The following SMYD3 variants were observed in gnomAD, a reference collection of about 807,000 sequenced individuals.
SMYD3 encodes the protein histone-lysine N-methyltransferase SMYD3.
A neutral mutation model predicts 57.7 loss-of-function variants in SMYD3; 36 were observed. That is an observed-to-expected ratio of 0.62 (90% CI 0.48 to 0.82). SMYD3 has a LOEUF of 0.82. Among genes scored for constraint, SMYD3 ranks in the 40% least tolerant of loss-of-function variants. The pLI is 0.00. For missense variants in SMYD3, 515 were observed against 538.8 expected (o/e 0.96, Z 0.44); for synonymous variants, 211 against 195.0 (o/e 1.08, Z -0.68).
At chr1:245,809,364 TTGTC>T in intron 10 of SMYD3, among the ~76,000 whole-genome samples, 1 of 152,272 alleles carries the variant, frequency 6.6e-6, no homozygotes, top group East Asian at 1.9e-4. Flanking sequence ...TTTCGGGGAT[TTGTC>T]TGTGTCTCCC....
chr1:246,001,444 G>A (rs2059042192), intron 5 of SMYD3, among the ~76,000 whole-genome samples: 1 of 152,106 alleles, frequency 6.6e-6, no homozygotes, highest in African/African-American at 2.4e-5. Context: ...AGGTACTATG[G>A]AAGAGACAGT....
At chr1:246,493,210 G>A (rs867310935) in intron 1 of SMYD3, among the ~76,000 whole-genome samples, 2 of 144,866 alleles carry the variant, frequency 1.4e-5, no homozygotes. Context: ...CCTAGCTACT[G>A]GGGGGGAGGA....
intron 5 of SMYD3, among the ~76,000 whole-genome samples, chr1:245,991,474 C>T (rs548597619): frequency 2.6e-5 from 4 of 152,320 alleles, no homozygotes; most frequent in African/African-American, 9.6e-5. Flanking sequence ...GTCTTAGCTG[C>T]CATGGTTCCG....
chr1:246,110,741 G>A lies in SMYD3; in HGVS notation c.532-180804C>T, dbSNP rs75219768. On this transcript the variant is annotated intron_variant, in intron 5 of 11. Coordinates refer to ENST00000490107, the MANE Select transcript of SMYD3 (RefSeq NM_001167740.2). Reference sequence around the variant, plus strand: ...CCTCCCATGTTATGGCTACATAGCTGTTTATATTACACATGGAGTTGCGCG... The same window carrying A: ...CCTCCCATGTTATGGCTACATAGCTATTTATATTACACATGGAGTTGCGCG... 3.3e-3 allele frequency among the ~76,000 whole-genome samples: 508 copies of A among 152,342 alleles called. 2 individuals are homozygous for A. The highest frequency in any genetic ancestry group is 6.8e-3 in the Middle Eastern group (2 of 294).
intron 7 of SMYD3, among the ~76,000 whole-genome samples, chr1:245,920,781 A>G (rs1028516942): frequency 1.5e-4 from 23 of 152,236 alleles, no homozygotes; most frequent in African/African-American, 4.3e-4. Flanking sequence ...TGTACCATAT[A>G]TAAAAATTAA....
intron 1 of SMYD3, chr1:246,483,358 AC>A (rs2068138252): frequency 6.6e-6 from 1 of 152,154 alleles, no homozygotes; most frequent in African/African-American, 2.4e-5. Context: ...CCATTAAGAC[AC>A]CCAGAGTATC....
At chr1:245,884,792 C>CCAATCAGCACTCTGGAAAAT (rs59971082) in intron 8 of SMYD3, among the ~76,000 whole-genome samples, 4 of 147,276 alleles carry the variant, frequency 2.7e-5, no homozygotes, top group Non-Finnish European at 6.0e-5. Context: ...GGATTGTAAA[C>CCAATCAGCACTCTGGAAAAT]GGACCAATCA....
At chr1:245,840,616 A>G (rs2148417112) in intron 10 of SMYD3, among the ~76,000 whole-genome samples, 1 of 152,304 alleles carries the variant, frequency 6.6e-6, no homozygotes, top group Non-Finnish European at 1.5e-5. Context: ...AGAGAAAAGA[A>G]CATAATAAAA....
intron 1 of SMYD3, among the ~76,000 whole-genome samples, chr1:246,362,453 C>CTTTCCCACGG (rs2066005299): frequency 5.7e-5 from 1 of 17,408 alleles, no homozygotes. Flanking sequence ...CTCCCTCTCC[C>CTTTCCCACGG]TCTCCCTCTC....
chr1:246,298,216 C>T (rs897611231), intron 5 of SMYD3, among the ~76,000 whole-genome samples: 1 of 147,342 alleles, frequency 6.8e-6, no homozygotes, highest in Non-Finnish European at 1.5e-5. Context: ...AGAGCAAGAG[C>T]ACACTGAGGT....
intron 8 of SMYD3, among the ~76,000 whole-genome samples, chr1:245,897,052 A>G (rs1047448018): frequency 2.0e-5 from 3 of 152,260 alleles, no homozygotes; most frequent in Non-Finnish European, 4.4e-5. Context: ...AACACTTAAA[A>G]GAAGTGTGAT....
At chr1:246,059,462 GTC>G (rs1448812267) in intron 5 of SMYD3, among the ~76,000 whole-genome samples, 1 of 152,074 alleles carries the variant, frequency 6.6e-6, no homozygotes, top group Non-Finnish European at 1.5e-5. Flanking sequence ...GAGGTGTTTT[GTC>G]TCTCTCGACT....
At chr1:245,869,987 G>T (rs758054967) in intron 8 of SMYD3, among the ~76,000 whole-genome samples, 1 of 152,178 alleles carries the variant, frequency 6.6e-6, no homozygotes, top group Non-Finnish European at 1.5e-5. Context: ...TGACACGAAT[G>T]GTTTCCTGGA....
At chr1:245,874,469 C>A (rs570567317) in intron 8 of SMYD3, among the ~76,000 whole-genome samples, 1 of 152,244 alleles carries the variant, frequency 6.6e-6, no homozygotes, top group South Asian at 2.1e-4. Context: ...GGCAATCTTA[C>A]GGGTCATCTA....
chr1:245,892,737 T>A (rs1183720223), intron 8 of SMYD3, among the ~76,000 whole-genome samples: 9 of 152,208 alleles, frequency 5.9e-5, no homozygotes, highest in Non-Finnish European at 1.2e-4. Context: ...TAACTGAAAA[T>A]GGATCAAATT....
intron 1 of SMYD3, among the ~76,000 whole-genome samples, chr1:246,468,756 G>T (rs1351895687): frequency 1.3e-5 from 2 of 152,134 alleles, no homozygotes; most frequent in Non-Finnish European, 2.9e-5. Context: ...TGGAAGGGTT[G>T]CTTGGGGTCA....
chr1:246,019,258 T>C (rs1033575825), intron 5 of SMYD3, among the ~76,000 whole-genome samples: 3 of 152,178 alleles, frequency 2.0e-5, no homozygotes, highest in African/African-American at 7.2e-5. Flanking sequence ...GGCAAAGGCC[T>C]AGGATACTGC....
intron 11 of SMYD3, among the ~76,000 whole-genome samples, chr1:245,757,853 C>A (rs1160285366): frequency 2.0e-5 from 3 of 152,070 alleles, no homozygotes; most frequent in Non-Finnish European, 2.9e-5. Flanking sequence ...AAATCAAGAA[C>A]TGTGAGTTCT....
At chr1:246,138,741 A>G (rs2061705528) in intron 5 of SMYD3, among the ~76,000 whole-genome samples, 1 of 152,096 alleles carries the variant, frequency 6.6e-6, no homozygotes, top group South Asian at 2.1e-4. Flanking sequence ...TTATTTTTAA[A>G]AAAAGTTTAA....
Sources: gnomAD v4.1 joint callset for allele counts (sites outside exome capture counted in the v4.1 genomes callset) on GRCh38, gnomAD v4.1.1 for gene constraint, MANE v1.5 for transcripts, NCBI Gene and HGNC (gene_info 2026-07-23, HGNC 2026-07-21) for gene names.